SPATS2L: variants seen among roughly 807,000 people sequenced by gnomAD.
The protein encoded by SPATS2L is SPATS2-like protein.
SPATS2L carries 30 observed loss-of-function variants against 59.6 expected under a neutral mutation model. That is an observed-to-expected ratio of 0.50 (90% CI 0.38 to 0.68). The LOEUF (loss-of-function observed/expected upper bound fraction) is 0.68. Among genes scored for constraint, SPATS2L ranks in the 30% least tolerant of loss-of-function variants. The pLI, the probability that SPATS2L is intolerant of heterozygous loss-of-function variation, is 0.00. For missense variants in SPATS2L, 615 were observed against 700.0 expected, an observed-to-expected ratio of 0.88 and a Z score of 1.37; for synonymous variants, 252 against 263.5, an observed-to-expected ratio of 0.96 and a Z score of 0.42.
intron 10 of SPATS2L, 30 bp downstream of exon 10, chr2:200,467,429 C>T (rs748395189): frequency 6.7e-7 from 1 of 1,501,162 alleles, no homozygotes; most frequent in African/African-American, 1.4e-5. Context: ...AGCCTGAACC[C>T]TGAGCCAGAG....
At chr2:200,330,909 C>T (rs779302419) in intron 2 of SPATS2L, among the ~76,000 whole-genome samples, 4 of 152,208 alleles carry the variant, frequency 2.6e-5, no homozygotes, top group African/African-American at 4.8e-5. Flanking sequence ...TATCCCAGAA[C>T]GGTGACATTA....
chr2:200,432,732 T>G (rs774023319), intron 6 of SPATS2L, among the ~76,000 whole-genome samples: 2 of 152,046 alleles, frequency 1.3e-5, no homozygotes, highest in Non-Finnish European at 2.9e-5. Context: ...ATTAAAAATA[T>G]GTTAAGAATT....
chr2:200,446,518 G>A lies in SPATS2L; in HGVS notation c.788+5734G>A, dbSNP rs557883473. ...GTCACAGCCACAGGGAGAGAGTGCCGCTGGCATCCGTTAGGTAGAGGCTAG... is the reference window on the plus strand; with the variant it reads ...GTCACAGCCACAGGGAGAGAGTGCCACTGGCATCCGTTAGGTAGAGGCTAG... On this transcript the variant is annotated intron_variant, in intron 8 of 12. Transcript: ENST00000409140. 1.6e-4 allele frequency among the ~76,000 whole-genome samples: 25 copies of A among 152,168 alleles called. No individual in the cohort carries two copies. In the East Asian group the frequency reaches 3.7e-3, roughly 22 times the overall value.
At chr2:200,396,037 T>A (rs755227555) in intron 3 of SPATS2L, among the ~76,000 whole-genome samples, 5,206 of 22,572 alleles carry the variant, frequency 0.23, 477 homozygotes, top group Non-Finnish European at 0.29. Context: ...AAAAAAAATA[T>A]ATATATATAT....
intron 12 of SPATS2L, among the ~76,000 whole-genome samples, chr2:200,474,162 T>G (rs1411031994): frequency 6.6e-6 from 1 of 151,880 alleles, no homozygotes; most frequent in Non-Finnish European, 1.5e-5. Flanking sequence ...CTTGTTGGGT[T>G]TTGCTGTCTC....
intron 7 of SPATS2L, among the ~76,000 whole-genome samples, chr2:200,440,190 GC>G (rs1407611327): frequency 1.3e-5 from 2 of 152,330 alleles, no homozygotes; most frequent in South Asian, 2.1e-4. Flanking sequence ...TGGGGCCAGT[GC>G]CAGCGTACCT....
chr2:200,379,568 A>G (rs1428033015), intron 2 of SPATS2L, among the ~76,000 whole-genome samples: 7 of 152,312 alleles, frequency 4.6e-5, no homozygotes, highest in Middle Eastern at 6.8e-3. Context: ...GAAAGGGAAC[A>G]CATATTTCTT....
chr2:200,404,263 C>G (rs1036415068), intron 3 of SPATS2L, among the ~76,000 whole-genome samples: 4 of 152,114 alleles, frequency 2.6e-5, no homozygotes, highest in Non-Finnish European at 5.9e-5. Flanking sequence ...CATTAGGAGG[C>G]CTTTTCCAGA....
intron 1 of SPATS2L, among the ~76,000 whole-genome samples, chr2:200,319,116 G>A (rs116635504): frequency 0.024 from 3,702 of 152,250 alleles, 51 homozygotes; most frequent in Middle Eastern, 0.058. Context: ...TGCACCTTCT[G>A]TGTGGTCGCT....
intron 2 of SPATS2L, among the ~76,000 whole-genome samples, chr2:200,372,572 G>A (rs911926882): frequency 6.6e-6 from 1 of 152,074 alleles, no homozygotes; most frequent in Non-Finnish European, 1.5e-5. Flanking sequence ...TGCCAAGCCA[G>A]CTTTACATCT....
chr2:200,356,649 A>C (rs2080925870), intron 2 of SPATS2L, among the ~76,000 whole-genome samples: 1 of 152,238 alleles, frequency 6.6e-6, no homozygotes, highest in African/African-American at 2.4e-5. Flanking sequence ...AACTAGATTC[A>C]ATAGGAAATA....
Position 200,470,028 on chromosome 2 carries a change from A to T in SPATS2L, c.1060+12A>T, listed in dbSNP as rs755686361. 1.3e-6 allele frequency: 2 copies of T among 1,588,090 alleles called. No individual in the cohort carries two copies. The highest frequency in any genetic ancestry group is 2.7e-5 in the African/African-American group (2 of 74,296). The stretch of plus-strand genomic sequence containing the variant: ...GCTCTGCGGAGAAAGTGAGTTTTGC[A>T]TATTTGCTGAATAATTCTGTGTGAG... On this transcript the variant is annotated intron_variant, in intron 11 of 12. Transcript: ENST00000409140.
chr2:200,335,204 T>C (rs1309737474), intron 2 of SPATS2L, among the ~76,000 whole-genome samples: 1 of 152,060 alleles, frequency 6.6e-6, no homozygotes, highest in African/African-American at 2.4e-5. Flanking sequence ...GTGTGTATAT[T>C]CAAGTGGCTG....
At chr2:200,452,809 T>C (rs2085556436) in intron 8 of SPATS2L, among the ~76,000 whole-genome samples, 1 of 152,160 alleles carries the variant, frequency 6.6e-6, no homozygotes, top group Non-Finnish European at 1.5e-5. Flanking sequence ...TGGACATGTA[T>C]GCAGGGTTTT....
At chr2:200,309,004 G>A in intron 1 of SPATS2L, 3 of 717,542 alleles carry the variant, frequency 4.2e-6, no homozygotes, top group Non-Finnish European at 5.2e-6. Flanking sequence ...CACCAGTAAG[G>A]ATCAGGGAAA....
intron 1 of SPATS2L, among the ~76,000 whole-genome samples, chr2:200,310,875 T>A (rs941982807): frequency 3.9e-5 from 6 of 152,206 alleles, no homozygotes; most frequent in African/African-American, 1.4e-4. Context: ...ATTCTTCAAG[T>A]TCAAGTCAGC....
intron 1 of SPATS2L, among the ~76,000 whole-genome samples, chr2:200,328,994 G>T (rs2079846989): frequency 6.6e-6 from 1 of 152,172 alleles, no homozygotes; most frequent in South Asian, 2.1e-4. Flanking sequence ...CCTCTCTGGT[G>T]CCTCATTTTC....
At chr2:200,317,668 T>C (rs1360508155) in intron 1 of SPATS2L, among the ~76,000 whole-genome samples, 1 of 152,154 alleles carries the variant, frequency 6.6e-6, no homozygotes, top group Non-Finnish European at 1.5e-5. Context: ...TCATCTGAGA[T>C]TATAGGTACA....
intron 2 of SPATS2L, among the ~76,000 whole-genome samples, chr2:200,360,105 TG>T (rs1305234924): frequency 1.3e-5 from 2 of 152,238 alleles, no homozygotes; most frequent in African/African-American, 4.8e-5. Context: ...ATAACATATA[TG>T]GTCCATGTGC....
Sources: gnomAD v4.1 joint callset for allele counts (sites outside exome capture counted in the v4.1 genomes callset) on GRCh38, gnomAD v4.1.1 for gene constraint, MANE v1.5 for transcripts, NCBI Gene and HGNC (gene_info 2026-07-23, HGNC 2026-07-21) for gene names.